Variants in PLXNC1 observed in about 807,000 individuals in gnomAD.
PLXNC1 encodes the protein plexin C1.
In PLXNC1, 75 loss-of-function variants were observed where a neutral mutation model predicts 178.2. The ratio of observed to expected loss-of-function variants is 0.42; its 90% CI spans 0.35 to 0.51. The LOEUF is 0.51. Among genes scored for constraint, PLXNC1 ranks in the 20% least tolerant of loss-of-function variants. The probability of loss-of-function intolerance (pLI) is 0.02; values close to 1 mark genes in which losing one functional copy is unlikely to be tolerated. For missense variants in PLXNC1, 1,503 were observed against 1,984.4 expected, an observed-to-expected ratio of 0.76 and a Z score of 4.61; for synonymous variants, 790 against 779.9, an observed-to-expected ratio of 1.01 and a Z score of -0.22.
intron 1 of PLXNC1, among the ~76,000 whole-genome samples, chr12:94,152,565 T>C (rs1960999053): frequency 6.6e-6 from 1 of 152,248 alleles, no homozygotes; most frequent in Non-Finnish European, 1.5e-5. Flanking sequence ...AAAGGCATGC[T>C]GAATTATAGG....
rs749965516 is a variant in PLXNC1 at position 94,244,002 on chromosome 12, C to T, written c.2365C>T (p.His789Tyr). 1.9e-6 allele frequency: 3 copies of T among 1,589,974 alleles called. No individual in the cohort carries two copies. Among genetic ancestry groups the T allele is most frequent in the Non-Finnish European group, 1.7e-6 (2 of 1,160,236 alleles). The change falls in exon 12 of 31, where the codon CAT becomes TAT. Residue 789 changes from histidine (H) to tyrosine (Y), a missense_variant. By Grantham distance (83) the His-to-Tyr change is moderately conservative. This residue lies in a region of PLXNC1 where 639 missense variants were observed against 979.7 expected (regional missense o/e 0.65). Transcript: ENST00000258526. Reference protein sequence around the residue: ...FDVIDNLIISHELKGNINVSE... With the variant: ...FDVIDNLIISYELKGNINVSE... ...TGTAATTGACAACTTAATCATTTCA[C>T]ATGAATTAAAAGGAAACATAAATGT...
chr12:94,293,746 G>A (rs1210335913), intron 23 of PLXNC1, among the ~76,000 whole-genome samples: 2 of 152,144 alleles, frequency 1.3e-5, no homozygotes, highest in Non-Finnish European at 1.5e-5. Flanking sequence ...AGCCTCCCAG[G>A]TAGCTGGGAC....
At chr12:94,292,722 C>T (rs1967466255) in intron 23 of PLXNC1, among the ~76,000 whole-genome samples, 3 of 152,124 alleles carry the variant, frequency 2.0e-5, no homozygotes, top group Admixed American at 2.0e-4. Flanking sequence ...ATAATTTGTG[C>T]ACAAATCAAA....
At chr12:94,237,568 A>G in intron 9 of PLXNC1, 96 bp from the exon 10 acceptor site, 1 of 993,322 alleles carries the variant, frequency 1.0e-6, no homozygotes, top group Non-Finnish European at 1.5e-6. Context: ...GTAATTTCCC[A>G]GTGATTTCTT....
chr12:94,187,513 A>G (rs1962561349), intron 4 of PLXNC1, among the ~76,000 whole-genome samples: 1 of 152,222 alleles, frequency 6.6e-6, no homozygotes, highest in Non-Finnish European at 1.5e-5. Flanking sequence ...GCCATTTGCT[A>G]CGCTTCCTTA....
rs1961748092 is a variant in PLXNC1, at chr12:94,169,213, G to A, written c.1123G>A (p.Asp375Asn). 7 of 1,613,744 alleles carry A rather than the reference G, an allele frequency of 4.3e-6. No individual in the cohort carries two copies. The highest frequency in any genetic ancestry group is 5.1e-6 in the Non-Finnish European group (6 of 1,179,732). The change falls in exon 2 of 31, where the codon GAC becomes AAC. Residue 375 changes from aspartate (D) to asparagine (N), a missense_variant. Physicochemically the swap from Asp to Asn is conservative, Grantham distance 23. Transcript: ENST00000258526. ...CGCATCATCTACCTTGATCCATTCC[G>A]ACCTGACATCCGTTTATGGCACCGT... ...PIASSTLIHS[D>N]LTSVYGTVVM... is the part of the protein sequence containing the mutation.
rs778142744 is a variant in PLXNC1 at position 94,226,641 on chromosome 12, T to C, written c.1827T>C (p.Cys609=). The C allele has an allele frequency of 6.2e-7, 1 of 1,613,890 alleles. No homozygotes were observed. Among genetic ancestry groups the C allele is most frequent in the Non-Finnish European group, 8.5e-7 (1 of 1,179,812 alleles). The change falls in exon 8 of 31, where the codon TGT becomes TGC. Residue 609 remains cysteine, a synonymous_variant. Coordinates refer to ENST00000258526, the MANE Select transcript of PLXNC1 (RefSeq NM_005761.3). ...GCGTAGAAACTGGCTGCGCGTGGTG[T>C]AAAAGTGCAAGAAGGTGTATCCACC... is the stretch of plus-strand genomic sequence containing the variant. ...PACVETGCAW[C]KSARRCIHPF...
intron 20 of PLXNC1, among the ~76,000 whole-genome samples, chr12:94,264,772 A>G (rs1965141624): frequency 6.6e-6 from 1 of 151,732 alleles, no homozygotes; most frequent in African/African-American, 2.4e-5. Flanking sequence ...TAACCCACTG[A>G]TGAGCATTAG....
chr12:94,237,500 C>T (rs527513365), intron 9 of PLXNC1, among the ~76,000 whole-genome samples, 164 bp from the exon 10 acceptor site: 15 of 152,334 alleles, frequency 9.8e-5, no homozygotes, highest in African/African-American at 3.4e-4. Context: ...ATCTGCAGCC[C>T]TCTTCCTTGA....
At chr12:94,166,317 C>A (rs1961608380) in intron 1 of PLXNC1, among the ~76,000 whole-genome samples, 1 of 152,154 alleles carries the variant, frequency 6.6e-6, no homozygotes, top group Non-Finnish European at 1.5e-5. Context: ...AAAGTCTGTG[C>A]TCTTATCATC....
intron 27 of PLXNC1, among the ~76,000 whole-genome samples, chr12:94,299,544 C>T (rs573314069): frequency 6.6e-6 from 1 of 150,536 alleles, no homozygotes; most frequent in African/African-American, 2.4e-5. Context: ...GGCTTGCTCC[C>T]TTCTCTTCCT....
chr12:94,249,422 C>T lies in PLXNC1; in HGVS notation c.2778+1010C>T, dbSNP rs139811814. Among the ~76,000 whole-genome samples the T allele has an allele frequency of 7.7e-3, 1,169 of 152,208 alleles. 8 individuals carry two copies. The highest frequency in any genetic ancestry group is 0.012 in the Non-Finnish European group (838 of 68,000). On this transcript the variant is annotated intron_variant, in intron 14 of 30. Coordinates refer to ENST00000258526, the MANE Select transcript of PLXNC1 (RefSeq NM_005761.3). ...TAGTTTTTTCTATTTTTAGTAGAGA[C>T]GGAGTTTCACTGTGTTGGGCTGGCT...
chr12:94,184,521 C>G (rs1467126671), intron 3 of PLXNC1, among the ~76,000 whole-genome samples: 1 of 152,008 alleles, frequency 6.6e-6, no homozygotes, highest in Admixed American at 6.6e-5. Context: ...CTCCTGAGTT[C>G]AAGAGATTCT....
chr12:94,224,373 T>A (rs1042607341), intron 7 of PLXNC1, 58 bp downstream of exon 7: 8 of 978,094 alleles, frequency 8.2e-6, no homozygotes, highest in Non-Finnish European at 1.2e-5. Context: ...ACTTATTTGT[T>A]TGACTCCTCG....
At chr12:94,281,728 A>C (rs1592908835) in intron 22 of PLXNC1, 1 of 153,014 alleles carries the variant, frequency 6.5e-6, no homozygotes, top group Non-Finnish European at 1.5e-5. Flanking sequence ...GCCTATGTGC[A>C]ATCTTTTAAT....
rs1004396012 is a variant in PLXNC1 at position 94,238,095 on chromosome 12, A to G, written c.2120+292A>G. 2.0e-5 allele frequency among the ~76,000 whole-genome samples: 3 copies of G among 152,336 alleles called. No individual in the cohort carries two copies. The East Asian group carries it at 5.8e-4, about 29-fold the overall frequency. ...GTCTTGATTCATTTTCAGTAACAAA[A>G]TCAAGTATATGGAGTAGCAAACATC... On this transcript the variant is annotated intron_variant, in intron 10 of 30. Coordinates refer to ENST00000258526, the MANE Select transcript of PLXNC1 (RefSeq NM_005761.3).
At chr12:94,219,812 TTTATTTATTTA>T (rs932674536) in intron 5 of PLXNC1, among the ~76,000 whole-genome samples, 193 bp from the exon 6 acceptor site, 1 of 12,392 alleles carries the variant, frequency 8.1e-5, no homozygotes, top group Non-Finnish European at 1.7e-4. Context: ...TTTTTATTTA[TTTATTTATTTA>T]TTTATTTATT....
intron 12 of PLXNC1, among the ~76,000 whole-genome samples, chr12:94,246,528 G>A (rs79867598): frequency 0.058 from 8,867 of 152,240 alleles, 826 homozygotes; most frequent in African/African-American, 0.2. Context: ...AGGATGGGCC[G>A]TGAAGGTGGC....
At chr12:94,204,242 C>T (rs1043975731) in intron 4 of PLXNC1, among the ~76,000 whole-genome samples, 3 of 152,178 alleles carry the variant, frequency 2.0e-5, no homozygotes, top group African/African-American at 7.2e-5. Flanking sequence ...GGCTACACTG[C>T]CTGACTTAGT....
Sources: allele counts gnomAD v4.1 joint callset (sites outside exome capture counted in the v4.1 genomes callset), GRCh38; gene constraint gnomAD v4.1.1; regional missense constraint gnomAD v4.1.1; transcripts MANE v1.5; gene names NCBI Gene and HGNC (gene_info 2026-07-23, HGNC 2026-07-21).